Variants in RNF111 observed in about 807,000 individuals in gnomAD.
RNF111 encodes E3 ubiquitin-protein ligase Arkadia.
RNF111 carries 17 observed loss-of-function variants against 95.1 expected under a neutral mutation model. That is an observed-to-expected ratio of 0.18 (90% CI 0.12 to 0.27). The LOEUF (loss-of-function observed/expected upper bound fraction) is 0.27. Ranked by LOEUF, RNF111 falls within the 10% of genes least tolerant of loss-of-function variation. RNF111 has a pLI of 1.00. For missense variants in RNF111, 1,189 were observed against 1,210.4 expected, an observed-to-expected ratio of 0.98 and a Z score of 0.26; for synonymous variants, 440 against 414.8, an observed-to-expected ratio of 1.06 and a Z score of -0.74.
intron 1 of RNF111, among the ~76,000 whole-genome samples, chr15:59,000,997 T>A (rs764641512): frequency 2.6e-5 from 4 of 152,206 alleles, no homozygotes; most frequent in African/African-American, 7.2e-5. Context: ...GTTAACTTTT[T>A]ATTTTTTTGC....
chr15:59,089,677 T>C lies in RNF111; in HGVS notation c.2561T>C (p.Met854Thr), dbSNP rs1202846435. The C allele has an allele frequency of 3.7e-6, 6 of 1,613,002 alleles. No homozygotes were observed. Among genetic ancestry groups the C allele is most frequent in the African/African-American group, 1.3e-5 (1 of 74,908 alleles). Residue 854 changes from methionine (M) to threonine (T), a missense_variant, in exon 11 of 14, where the codon ATG becomes ACG. Transcript: ENST00000348370. ...LGALPLMVPD[M>T]AGYPHIRYIS... ...CTTCTGTTGAAATAGGTTCCTGATA[T>C]GGCAGGCTATCCTCACATCCGTTAC... is the stretch of plus-strand genomic sequence containing the variant.
chr15:59,031,007 A>T lies in RNF111; in HGVS notation c.185A>T (p.Asn62Ile). 3 of 1,614,234 alleles carry T rather than the reference A, an allele frequency of 1.9e-6. No individual in the cohort carries two copies. The highest frequency in any genetic ancestry group is 2.5e-6 in the Non-Finnish European group (3 of 1,180,036). ...GVEMINSKVG[N>I]EFSHLCDDSQ... ...GAGATGATTAATAGTAAAGTGGGGA[A>T]TGAATTCTCTCACCTGTGTGATGAT... Residue 62 changes from asparagine to isoleucine, a missense_variant, in exon 2 of 14, where the codon AAT becomes ATT. Physicochemically the swap from Asn to Ile is moderately radical, Grantham distance 149. Coordinates refer to ENST00000348370, the MANE Select transcript of RNF111 (RefSeq NM_017610.8).
At chr15:59,020,106 T>A (rs2040262613) in intron 1 of RNF111, among the ~76,000 whole-genome samples, 1 of 148,642 alleles carries the variant, frequency 6.7e-6, no homozygotes, top group South Asian at 2.1e-4. Context: ...AAGATATAAA[T>A]ATATATTTCA....
intron 6 of RNF111, among the ~76,000 whole-genome samples, chr15:59,067,461 C>G (rs557979747): frequency 6.6e-6 from 1 of 152,028 alleles, no homozygotes; most frequent in Admixed American, 6.6e-5. Flanking sequence ...ATTGTGGTGG[C>G]TTTGGGAAGA....
intron 1 of RNF111, among the ~76,000 whole-genome samples, chr15:59,006,796 T>A (rs987253370): frequency 1.4e-4 from 22 of 152,328 alleles, no homozygotes; most frequent in Middle Eastern, 3.4e-3. Context: ...TTATTTATTT[T>A]TTTTCTTTGA....
chr15:59,009,831 C>T (rs1320842742), intron 1 of RNF111, among the ~76,000 whole-genome samples: 2 of 152,088 alleles, frequency 1.3e-5, no homozygotes, highest in East Asian at 3.8e-4. Flanking sequence ...TGGCTCATGT[C>T]TCTAGTCCCA....
chr15:59,055,613 T>G, intron 3 of RNF111, 69 bp from the exon 4 acceptor site: 1 of 1,194,402 alleles, frequency 8.4e-7, no homozygotes, highest in Admixed American at 3.0e-5. Flanking sequence ...TAAGAAAGGC[T>G]TATGGGTTTT....
chr15:59,038,355 A>G (rs1274489512), intron 2 of RNF111, among the ~76,000 whole-genome samples: 1 of 152,156 alleles, frequency 6.6e-6, no homozygotes, highest in African/African-American at 2.4e-5. Context: ...TCCATACTGT[A>G]TTGACTTTTT....
intron 1 of RNF111, among the ~76,000 whole-genome samples, chr15:59,000,888 A>G (rs575959902): frequency 6.6e-6 from 1 of 152,324 alleles, no homozygotes; most frequent in African/African-American, 2.4e-5. Context: ...TTTTGGGCAC[A>G]TAGTAGTGAT....
intron 1 of RNF111, among the ~76,000 whole-genome samples, chr15:58,990,575 C>A (rs925939220): frequency 6.6e-6 from 1 of 152,154 alleles, no homozygotes; most frequent in East Asian, 1.9e-4. Flanking sequence ...GCTTGAACCT[C>A]GGAGGCGGAG....
At chr15:59,044,045 G>T (rs2141887587) in intron 2 of RNF111, among the ~76,000 whole-genome samples, 1 of 152,042 alleles carries the variant, frequency 6.6e-6, no homozygotes, top group East Asian at 1.9e-4. Flanking sequence ...TTTCTGGTGG[G>T]GGGAGACAGA....
intron 8 of RNF111, 25 bp from the exon 9 acceptor site, chr15:59,084,104 G>A (rs1373342780): frequency 1.2e-5 from 18 of 1,558,924 alleles, no homozygotes; most frequent in Non-Finnish European, 1.6e-5. Context: ...ATTTCCAGTG[G>A]TCTTTTTGTG....
Position 59,007,825 on chromosome 15 carries a change from A to G in RNF111, c.-20+19757A>G, listed in dbSNP as rs74017337. ...GTATGTTTTGTAAAATCTTTTGCCT[A>G]TTTTTTGTGGGGTTGTGTTATTAGA... is the stretch of plus-strand genomic sequence containing the variant. On this transcript the variant is annotated intron_variant, in intron 1 of 13. Transcript: ENST00000348370. 8.7e-3 allele frequency among the ~76,000 whole-genome samples: 1,320 copies of G among 152,132 alleles called. 15 individuals carry two copies. Among genetic ancestry groups the G allele is most frequent in the African/African-American group, 0.031 (1,268 of 41,502 alleles).
Position 59,071,155 on chromosome 15 carries a change from G to T in RNF111, c.1686+4072G>T, listed in dbSNP as rs532092476. On this transcript the variant is annotated intron_variant, in intron 6 of 13. Transcript: ENST00000348370. ...TACTAAGTATACAAAAAAAGTAGCC[G>T]GGCGTGGTGGTGGGTGCCTGTAGTC... Among the ~76,000 whole-genome samples, 4 of 152,000 alleles carry T rather than the reference G, an allele frequency of 2.6e-5. No individual in the cohort carries two copies. In the East Asian group the frequency reaches 7.8e-4, roughly 29 times the overall value.
chr15:59,044,091 C>T (rs766694941), intron 2 of RNF111, among the ~76,000 whole-genome samples: 4 of 152,028 alleles, frequency 2.6e-5, no homozygotes, highest in Non-Finnish European at 5.9e-5. Flanking sequence ...AGTGCAGTGG[C>T]GCAATCTCGG....
chr15:59,014,758 CT>C (rs1235678150), intron 1 of RNF111, among the ~76,000 whole-genome samples: 593 of 140,346 alleles, frequency 4.2e-3, no homozygotes, highest in Middle Eastern at 0.011. Flanking sequence ...GAATTGCAGA[CT>C]TTTTTTTTTT....
intron 7 of RNF111, 116 bp downstream of exon 7, chr15:59,076,331 A>G (rs2078561698): frequency 7.6e-6 from 9 of 1,186,454 alleles, no homozygotes; most frequent in East Asian, 2.4e-5. Flanking sequence ...TACTTGGCTT[A>G]AGAGTAGGGT....
At chr15:59,044,358 A>G (rs1326329106) in intron 2 of RNF111, among the ~76,000 whole-genome samples, 1 of 152,168 alleles carries the variant, frequency 6.6e-6, no homozygotes, top group Non-Finnish European at 1.5e-5. Context: ...TGTTAGCATC[A>G]TTCCAGTCTT....
chr15:59,061,527 A>T (rs1281550854), intron 5 of RNF111, among the ~76,000 whole-genome samples: 5 of 152,110 alleles, frequency 3.3e-5, no homozygotes, highest in East Asian at 1.9e-4. Flanking sequence ...GGGAAATTTT[A>T]AAAAAATGAA....
Sources: allele counts gnomAD v4.1 joint callset (sites outside exome capture counted in the v4.1 genomes callset), GRCh38; gene constraint gnomAD v4.1.1; transcripts MANE v1.5; gene names NCBI Gene and HGNC (gene_info 2026-07-23, HGNC 2026-07-21).